Variants in DIAPH3 observed in about 807,000 individuals in gnomAD.
DIAPH3 encodes the protein diaphanous related formin 3.
A neutral mutation model predicts 144.3 loss-of-function variants in DIAPH3; 117 were observed. That is an observed-to-expected ratio of 0.81 (90% CI 0.70 to 0.95). DIAPH3 has a LOEUF of 0.95. Among genes scored for constraint, DIAPH3 ranks in the 40% least tolerant of loss-of-function variants. The pLI is 0.00. For synonymous variants in DIAPH3, 519 were observed against 488.9 expected (o/e 1.06, Z -0.81); for missense variants, 1,421 against 1,412.7 (o/e 1.01, Z -0.09).
At chr13:59,673,253 A>G (rs572945348) in intron 27 of DIAPH3, among the ~76,000 whole-genome samples, 1 of 151,962 alleles carries the variant, frequency 6.6e-6, no homozygotes, top group East Asian at 1.9e-4. Context: ...CCTCTTTTTC[A>G]TCTCTCCCCT....
intron 2 of DIAPH3, among the ~76,000 whole-genome samples, chr13:60,119,485 C>T (rs1428248135): frequency 2.6e-5 from 4 of 152,034 alleles, no homozygotes; most frequent in African/African-American, 7.2e-5. Context: ...CGGTGGCTCA[C>T]GCCTGTAATC....
At chr13:59,762,050 A>ATTTTTTTTTTTTTTTT (rs1566273881) in intron 27 of DIAPH3, among the ~76,000 whole-genome samples, 2 of 118,984 alleles carry the variant, frequency 1.7e-5, no homozygotes, top group Non-Finnish European at 1.7e-5. Flanking sequence ...AAGCGTCAGC[A>ATTTTTTTTTTTTTTTT]TCTTTTTTTT....
rs745534705 is a variant in DIAPH3 at position 59,892,840 on chromosome 13, T to C, written c.2368-13372A>G. 2.0e-5 allele frequency among the ~76,000 whole-genome samples: 3 copies of C among 152,058 alleles called. No individual in the cohort carries two copies. The South Asian group carries it at 6.2e-4, about 31-fold the overall frequency. Reference sequence around the variant, plus strand: ...AAACACTTCAATTAAAAGGCAGAAATGGTCAGACTGGATTAAAAAGCAAAA... The same window carrying C: ...AAACACTTCAATTAAAAGGCAGAAACGGTCAGACTGGATTAAAAAGCAAAA... On this transcript the variant is annotated intron_variant, in intron 20 of 27. Transcript: ENST00000400324.
At chr13:60,025,530 C>T (rs558127735) in intron 5 of DIAPH3, among the ~76,000 whole-genome samples, 20 of 149,476 alleles carry the variant, frequency 1.3e-4, no homozygotes, top group African/African-American at 4.7e-4. Flanking sequence ...AAGGCAGTGA[C>T]AGTGGTAAGA....
intron 24 of DIAPH3, among the ~76,000 whole-genome samples, chr13:59,813,318 C>T (rs2040588542): frequency 6.6e-6 from 1 of 151,680 alleles, no homozygotes; most frequent in African/African-American, 2.4e-5. Context: ...TATTGCTAAG[C>T]TATAAAATAC....
chr13:60,057,816 T>C (rs1048187146), intron 4 of DIAPH3, among the ~76,000 whole-genome samples: 1 of 151,934 alleles, frequency 6.6e-6, no homozygotes, highest in Non-Finnish European at 1.5e-5. Context: ...ATTCAATAAA[T>C]AGTGCTGAGA....
intron 20 of DIAPH3, among the ~76,000 whole-genome samples, chr13:59,887,739 A>AT (rs1308514291): frequency 2.0e-5 from 3 of 152,012 alleles, no homozygotes; most frequent in Non-Finnish European, 4.4e-5. Context: ...AAGTATCTTG[A>AT]TTTTCTAAGA....
At chr13:60,037,909 G>A (rs2055346799) in intron 5 of DIAPH3, among the ~76,000 whole-genome samples, 1 of 152,012 alleles carries the variant, frequency 6.6e-6, no homozygotes, top group African/African-American at 2.4e-5. Flanking sequence ...GTAAACAGCT[G>A]CACACATCAA....
chr13:59,897,488 G>A (rs1476672373), intron 20 of DIAPH3, among the ~76,000 whole-genome samples: 2 of 152,020 alleles, frequency 1.3e-5, no homozygotes, highest in South Asian at 2.1e-4. Flanking sequence ...GGTGGCTCAC[G>A]CCTGTAATCC....
At chr13:60,081,867 G>GA (rs956096800) in intron 4 of DIAPH3, among the ~76,000 whole-genome samples, 1 of 152,090 alleles carries the variant, frequency 6.6e-6, no homozygotes, top group Non-Finnish European at 1.5e-5. Flanking sequence ...AAGAGGCCCA[G>GA]AAAAGATCTG....
chr13:59,727,933 TAAC>T (rs899226715), intron 27 of DIAPH3, among the ~76,000 whole-genome samples: 2 of 152,152 alleles, frequency 1.3e-5, no homozygotes, highest in Non-Finnish European at 2.9e-5. Flanking sequence ...CAGCAGGGTT[TAAC>T]AACAACAACA....
chr13:60,124,152 G>GTTACC (rs1566798361), intron 2 of DIAPH3, among the ~76,000 whole-genome samples: 1 of 152,148 alleles, frequency 6.6e-6, no homozygotes, highest in Non-Finnish European at 1.5e-5. Context: ...CAGTTATACC[G>GTTACC]AGGAAGAAGG....
intron 22 of DIAPH3, among the ~76,000 whole-genome samples, chr13:59,846,100 G>T (rs775178832): frequency 1.7e-4 from 26 of 152,068 alleles, no homozygotes; most frequent in Non-Finnish European, 3.8e-4. Context: ...AAGCTTTAGA[G>T]TAAAAGTTAA....
intron 27 of DIAPH3, among the ~76,000 whole-genome samples, chr13:59,732,186 TTTA>T (rs1835680232): frequency 6.6e-6 from 1 of 151,954 alleles, no homozygotes; most frequent in African/African-American, 2.4e-5. Context: ...AAAAAAAAAG[TTTA>T]TTGTTTTCCA....
chr13:60,004,652 A>G (rs542569869), intron 9 of DIAPH3, among the ~76,000 whole-genome samples: 26 of 152,326 alleles, frequency 1.7e-4, no homozygotes, highest in Non-Finnish European at 3.7e-4. Flanking sequence ...TAACCTGAAC[A>G]TATCAGAAAA....
Position 59,974,530 on chromosome 13 carries a change from G to T in DIAPH3, c.1546-74C>A. 2.4e-6 allele frequency: 3 copies of T among 1,237,356 alleles called. No homozygotes were observed. The South Asian group carries it at 3.7e-5, about 15-fold the overall frequency. 76.6% of individuals were successfully genotyped at this position (1,237,356 alleles called of 1,614,324 possible). A position where few individuals can be genotyped will look rare whatever the true frequency, so the allele number is the denominator to read the frequency against. Reference sequence around the variant, plus strand: ...AGCACTATTCTTCTTATAGAAATGTGACTCGAATGATCTGCCGGTAGAACA... The same window carrying T: ...AGCACTATTCTTCTTATAGAAATGTTACTCGAATGATCTGCCGGTAGAACA... On this transcript the variant is annotated intron_variant, in intron 14 of 27. Coordinates refer to ENST00000400324, the MANE Select transcript of DIAPH3 (RefSeq NM_001042517.2).
At position 59,976,773 on chromosome 13, in the gene DIAPH3, T is replaced by A. The variant is rs571338421; in HGVS notation, c.1546-2317A>T. Among the ~76,000 whole-genome samples the A allele has an allele frequency of 5.3e-5, 8 of 151,778 alleles. No homozygotes were observed. The East Asian group carries it at 1.4e-3, about 26-fold the overall frequency. On this transcript the variant is annotated intron_variant, in intron 14 of 27. Coordinates refer to ENST00000400324, the MANE Select transcript of DIAPH3 (RefSeq NM_001042517.2). ...CATGCATACACTGATGGCTTACAAA[T>A]CCCTATCAACATCTCAGCTTCTCAT...
chr13:59,669,547 G>A (rs985692310), intron 27 of DIAPH3, among the ~76,000 whole-genome samples: 1 of 152,184 alleles, frequency 6.6e-6, no homozygotes, highest in Non-Finnish European at 1.5e-5. Flanking sequence ...TCCCCTCTGA[G>A]GACAGCCCTC....
At chr13:60,097,552 C>G (rs2058142027) in intron 3 of DIAPH3, among the ~76,000 whole-genome samples, 1 of 152,174 alleles carries the variant, frequency 6.6e-6, no homozygotes, top group Non-Finnish European at 1.5e-5. Flanking sequence ...GCAGAACTGA[C>G]AGCCAAATAA....
Sources: allele counts gnomAD v4.1 joint callset (sites outside exome capture counted in the v4.1 genomes callset), GRCh38; gene constraint gnomAD v4.1.1; transcripts MANE v1.5; gene names NCBI Gene and HGNC (gene_info 2026-07-23, HGNC 2026-07-21).